Variants in ATP8B1 observed in about 807,000 individuals in gnomAD.
ATP8B1 encodes ATPase phospholipid transporting 8B1.
Under a neutral mutation model 149.9 loss-of-function variants are expected in ATP8B1, and 80 were observed. That is an observed-to-expected ratio of 0.53 (90% CI 0.45 to 0.64). The LOEUF (loss-of-function observed/expected upper bound fraction) is 0.64. Among genes scored for constraint, ATP8B1 ranks in the 30% least tolerant of loss-of-function variants. The pLI is 0.00. For synonymous variants in ATP8B1, 536 were observed against 562.8 expected (o/e 0.95, Z 0.67); for missense variants, 1,247 against 1,552.6 (o/e 0.80, Z 3.31).
At chr18:57,726,106 T>G (rs1391357599) in intron 2 of ATP8B1, among the ~76,000 whole-genome samples, 1 of 152,192 alleles carries the variant, frequency 6.6e-6, no homozygotes, top group East Asian at 1.9e-4. Context: ...TACATACCTG[T>G]AGTCCCAGCT....
At chr18:57,698,607 T>C (rs1599129032) in intron 6 of ATP8B1, among the ~76,000 whole-genome samples, 2 of 152,346 alleles carry the variant, frequency 1.3e-5, no homozygotes, top group Middle Eastern at 3.4e-3. Context: ...AGTGCTGGGA[T>C]TATAGGCATG....
intron 12 of ATP8B1, among the ~76,000 whole-genome samples, chr18:57,688,887 C>A (rs945904456): frequency 7.9e-5 from 12 of 152,276 alleles, no homozygotes; most frequent in African/African-American, 2.4e-4. Context: ...TTTGAGACTT[C>A]CCAGCCTCCA....
chr18:57,751,320 C>CA (rs2080016373), intron 1 of ATP8B1, among the ~76,000 whole-genome samples: 1 of 151,304 alleles, frequency 6.6e-6, no homozygotes, highest in African/African-American at 2.4e-5. Flanking sequence ...CACAGCTGTA[C>CA]AAAATATATA....
intron 8 of ATP8B1, 140 bp from the exon 9 acceptor site, chr18:57,695,672 C>T: frequency 2.7e-6 from 2 of 737,732 alleles, no homozygotes; most frequent in Non-Finnish European, 4.7e-6. Context: ...CTCTGTTCAC[C>T]TTGGAACTTC....
At chr18:57,668,023 C>A in intron 19 of ATP8B1, 5 of 1,222,032 alleles carry the variant, frequency 4.1e-6, no homozygotes, top group Admixed American at 2.7e-5. Flanking sequence ...ATTTTATTGC[C>A]AAGCAATAAA....
intron 1 of ATP8B1, among the ~76,000 whole-genome samples, chr18:57,753,799 A>G (rs975319933): frequency 3.3e-5 from 5 of 151,814 alleles, no homozygotes; most frequent in Admixed American, 3.3e-4. Flanking sequence ...TTGGTGGTGC[A>G]CTTCTGTAGT....
chr18:57,693,419 G>A (rs184285724), intron 11 of ATP8B1, among the ~76,000 whole-genome samples: 1 of 152,206 alleles, frequency 6.6e-6, no homozygotes, highest in Non-Finnish European at 1.5e-5. Context: ...GATAAGAATA[G>A]CTCATGGGCC....
In ATP8B1 at chr18:57,727,385, C is replaced by T. The variant is rs139335032; in HGVS notation, c.181+4242G>A. Among the ~76,000 whole-genome samples the T allele has an allele frequency of 9.8e-4, 149 of 152,312 alleles. 1 individual carries two copies. Among genetic ancestry groups the T allele is most frequent in the Non-Finnish European group, 1.5e-3 (103 of 68,026 alleles). On this transcript the variant is annotated intron_variant, in intron 2 of 27. Coordinates refer to ENST00000648908, the MANE Select transcript of ATP8B1 (RefSeq NM_001374385.1). ...TTCACAGATTCCCTAGGATATCCTA[C>T]GATTGATACGTTTCAATGAGCCATC...
chr18:57,731,748 T>C lies in ATP8B1; in HGVS notation c.60A>G (p.Glu20=). ...TTTCATCATCACTGTAGGGAACCAC[T>C]TCGTCATTAGGCTGAGAATCCTCGT... The part of the protein sequence containing the change: ...TFDEDSQPND[E]VVPYSDDETE... The change falls in exon 2 of 28, where the codon GAA becomes GAG. Residue 20 remains glutamate, a synonymous_variant. Coordinates refer to ENST00000648908, the MANE Select transcript of ATP8B1 (RefSeq NM_001374385.1). 1 of 1,614,128 alleles carries C rather than the reference T, an allele frequency of 6.2e-7. No homozygotes were observed. The highest frequency in any genetic ancestry group is 8.5e-7 in the Non-Finnish European group (1 of 1,180,012).
At chr18:57,655,492 TC>T in intron 22 of ATP8B1, 75 bp from the exon 23 acceptor site, 1 of 1,384,674 alleles carries the variant, frequency 7.2e-7, no homozygotes, top group Non-Finnish European at 1.0e-6. Context: ...TAAAAATGGT[TC>T]CATAGCAAAC....
chr18:57,726,115 C>G (rs2079704245), intron 2 of ATP8B1, among the ~76,000 whole-genome samples: 2 of 152,180 alleles, frequency 1.3e-5, no homozygotes, highest in South Asian at 4.1e-4. Flanking sequence ...GTAGTCCCAG[C>G]TACTCGGGAG....
At chr18:57,661,713 A>ATATATAT (rs1376167519) in intron 21 of ATP8B1, among the ~76,000 whole-genome samples, 2 of 92,670 alleles carry the variant, frequency 2.2e-5, no homozygotes, top group African/African-American at 9.5e-5. Context: ...ATATATATAT[A>ATATATAT]TTTTTTTTTT....
chr18:57,731,769 C>T lies in ATP8B1; in HGVS notation c.39G>A (p.Glu13=). 2 of 1,614,046 alleles carry T rather than the reference C, an allele frequency of 1.2e-6. No individual in the cohort carries two copies. Among genetic ancestry groups the T allele is most frequent in the Non-Finnish European group, 1.7e-6 (2 of 1,180,002 alleles). ...CCACTTCGTCATTAGGCTGAGAATCCTCGTCAAATGTCGTTTCTGAGTCTC... is the reference window on the plus strand; with the variant it reads ...CCACTTCGTCATTAGGCTGAGAATCTTCGTCAAATGTCGTTTCTGAGTCTC... The part of the protein sequence containing the change: ...TERDSETTFD[E]DSQPNDEVVP... Residue 13 remains glutamate, a synonymous_variant, in exon 2 of 28, where the codon GAG becomes GAA. Transcript: ENST00000648908.
intron 19 of ATP8B1, 166 bp downstream of exon 19, chr18:57,668,263 A>T (rs317844): frequency 7.4e-7 from 1 of 1,355,064 alleles, no homozygotes. Context: ...GATGCAGAAG[A>T]ATGTGCTGGA....
At chr18:57,690,596 C>G (rs182420473) in intron 12 of ATP8B1, among the ~76,000 whole-genome samples, 1 of 152,326 alleles carries the variant, frequency 6.6e-6, no homozygotes, top group East Asian at 1.9e-4. Flanking sequence ...CTCGGTTTTT[C>G]TCAAAGTAGC....
chr18:57,668,088 C>T, intron 19 of ATP8B1: 6 of 1,316,330 alleles, frequency 4.6e-6, no homozygotes, highest in Non-Finnish European at 6.0e-6. Context: ...CTACTCTGTG[C>T]CCACCAAATG....
rs1555653790 is a variant in ATP8B1 at position 57,756,305 on chromosome 18, A to ATATATACATATATATATATATATATG, written c.-25-24474_-25-24473insCATATATATATATATATATGTATATA. Among the ~76,000 whole-genome samples the ATATATACATATATATATATATATATG allele has an allele frequency of 5.0e-4, 53 of 106,098 alleles. 1 individual carries two copies. Among genetic ancestry groups the ATATATACATATATATATATATATATG allele is most frequent in the African/African-American group, 1.0e-3 (24 of 23,842 alleles). The allele number at this position is 106,098 out of a possible 152,430, so 69.6% of individuals were successfully genotyped here. A position where few individuals can be genotyped will look rare whatever the true frequency, so the allele number is the denominator to read the frequency against. ...CATATATATGTGTGTGTGTATGTAT[A>ATATATACATATATATATATATATATG]TATATATATATTTGAGACTGAGTTT... is the stretch of plus-strand genomic sequence containing the variant. On this transcript the variant is annotated intron_variant, in intron 1 of 27. Transcript: ENST00000648908.
intron 19 of ATP8B1, 145 bp downstream of exon 19, chr18:57,668,284 A>G: frequency 7.6e-7 from 1 of 1,319,214 alleles, no homozygotes; most frequent in Non-Finnish European, 1.1e-6. Context: ...AAAACAGAGG[A>G]GGGTTTCTCA....
At chr18:57,787,529 GACACTGTGGGTGGAGCTCCATCTAGA>G (rs1568071785) in intron 1 of ATP8B1, among the ~76,000 whole-genome samples, 3 of 148,392 alleles carry the variant, frequency 2.0e-5, no homozygotes, top group Non-Finnish European at 3.0e-5. Flanking sequence ...CTCCATCTAG[GACACTGTGGGTGGAGCTCCATCTAGA>G]ACACTGTGGG....
Sources: gnomAD v4.1 joint callset for allele counts (sites outside exome capture counted in the v4.1 genomes callset) on GRCh38, gnomAD v4.1.1 for gene constraint, MANE v1.5 for transcripts, NCBI Gene and HGNC (gene_info 2026-07-23, HGNC 2026-07-21) for gene names.